Variants in ROBO2 observed in about 807,000 individuals in gnomAD.
ROBO2 encodes roundabout homolog 2.
A neutral mutation model predicts 160.8 loss-of-function variants in ROBO2; 53 were observed. That is an observed-to-expected ratio of 0.33 (90% confidence interval 0.26 to 0.41). The LOEUF (loss-of-function observed/expected upper bound fraction) is 0.41. ROBO2 is among the 10% of genes least tolerant of loss of function. The pLI, the probability that ROBO2 is intolerant of heterozygous loss-of-function variation, is 1.00. For missense variants in ROBO2, 1,577 were observed against 1,722.4 expected, an observed-to-expected ratio of 0.92 and a Z score of 1.49; for synonymous variants, 664 against 611.7, an observed-to-expected ratio of 1.09 and a Z score of -1.26.
chr3:77,323,912 G>A (rs1487822312), intron 2 of ROBO2, among the ~76,000 whole-genome samples: 1 of 152,114 alleles, frequency 6.6e-6, no homozygotes, highest in Non-Finnish European at 1.5e-5. Flanking sequence ...ATGTTTTTCT[G>A]AGTACTTTTT....
intron 2 of ROBO2, among the ~76,000 whole-genome samples, chr3:76,404,890 T>G (rs928048003): frequency 6.6e-6 from 1 of 151,636 alleles, no homozygotes; most frequent in Non-Finnish European, 1.5e-5. Context: ...GAATGGGTTA[T>G]AAAATGCAAA....
chr3:76,091,631 T>C (rs892850855), intron 2 of ROBO2, among the ~76,000 whole-genome samples: 4 of 152,218 alleles, frequency 2.6e-5, no homozygotes, highest in Non-Finnish European at 4.4e-5. Context: ...CACATGAATG[T>C]TTATGGCAGC....
At chr3:76,140,561 C>T (rs1405852788) in intron 2 of ROBO2, among the ~76,000 whole-genome samples, 1 of 151,900 alleles carries the variant, frequency 6.6e-6, no homozygotes, top group Non-Finnish European at 1.5e-5. Flanking sequence ...ACTTTATAGT[C>T]TACCTGCCAA....
chr3:77,512,414 A>G (rs144296071), intron 5 of ROBO2, among the ~76,000 whole-genome samples: 1 of 152,124 alleles, frequency 6.6e-6, no homozygotes, highest in African/African-American at 2.4e-5. Context: ...TTTATATTTC[A>G]TAGAAGCGTG....
At chr3:77,635,347 A>T (rs2095246188) in intron 24 of ROBO2, among the ~76,000 whole-genome samples, 1 of 152,122 alleles carries the variant, frequency 6.6e-6, no homozygotes. Flanking sequence ...AGGGAAGAAC[A>T]TAAGCTGCAT....
At chr3:77,326,739 T>C (rs779850821) in intron 2 of ROBO2, among the ~76,000 whole-genome samples, 15 of 152,182 alleles carry the variant, frequency 9.9e-5, no homozygotes, top group Non-Finnish European at 2.1e-4. Flanking sequence ...TTGAAGGAGA[T>C]AATCCCTCTG....
intron 2 of ROBO2, among the ~76,000 whole-genome samples, chr3:76,995,177 C>A (rs1026085581): frequency 6.7e-6 from 1 of 148,480 alleles, no homozygotes; most frequent in Non-Finnish European, 1.5e-5. Context: ...TCAATTCCCA[C>A]CTATGAGTGA....
chr3:76,276,782 A>T (rs187861580), intron 2 of ROBO2, among the ~76,000 whole-genome samples: 1 of 152,078 alleles, frequency 6.6e-6, no homozygotes, highest in Non-Finnish European at 1.5e-5. Context: ...TGGGGTGATG[A>T]TGTCCTTGTA....
intron 2 of ROBO2, among the ~76,000 whole-genome samples, chr3:76,092,207 A>G (rs568784804): frequency 6.6e-6 from 1 of 152,228 alleles, no homozygotes; most frequent in South Asian, 2.1e-4. Flanking sequence ...TGTACTTACC[A>G]CTCAATTAGG....
At chr3:77,022,552 T>C (rs2062704353) in intron 2 of ROBO2, among the ~76,000 whole-genome samples, 1 of 152,334 alleles carries the variant, frequency 6.6e-6, no homozygotes, top group Middle Eastern at 3.4e-3. Context: ...CATCCATTCT[T>C]CATCAAACTT....
intron 1 of ROBO2, among the ~76,000 whole-genome samples, chr3:75,917,970 A>C (rs1233162893): frequency 1.3e-5 from 2 of 151,922 alleles, no homozygotes; most frequent in African/African-American, 4.8e-5. Context: ...AAATTTTCTC[A>C]TATTTTGTAG....
At chr3:77,439,833 AT>A (rs2079724748) in intron 2 of ROBO2, among the ~76,000 whole-genome samples, 1 of 151,972 alleles carries the variant, frequency 6.6e-6, no homozygotes, top group Non-Finnish European at 1.5e-5. Flanking sequence ...AACATTTTAC[AT>A]TCTAACGTGT....
At chr3:76,910,592 G>A (rs1429053854) in intron 2 of ROBO2, among the ~76,000 whole-genome samples, 1 of 151,618 alleles carries the variant, frequency 6.6e-6, no homozygotes, top group Non-Finnish European at 1.5e-5. Context: ...TGGGCGTGGT[G>A]GCATGCACCT....
chr3:76,915,876 T>A (rs186766463), intron 2 of ROBO2, among the ~76,000 whole-genome samples: 1 of 152,192 alleles, frequency 6.6e-6, no homozygotes, highest in East Asian at 1.9e-4. Context: ...GCAAATCCAG[T>A]GTGTGGTGAG....
intron 2 of ROBO2, among the ~76,000 whole-genome samples, chr3:76,553,804 C>G (rs1404467714): frequency 6.6e-6 from 1 of 152,082 alleles, no homozygotes; most frequent in Non-Finnish European, 1.5e-5. Flanking sequence ...TTTGAACACA[C>G]TAAAAGTTCT....
chr3:76,201,632 T>A (rs554783589), intron 2 of ROBO2, among the ~76,000 whole-genome samples: 20 of 152,222 alleles, frequency 1.3e-4, no homozygotes, highest in African/African-American at 4.8e-4. Context: ...CCCCATCTGT[T>A]AATTTTATAT....
intron 2 of ROBO2, among the ~76,000 whole-genome samples, chr3:76,998,824 A>C: frequency 6.6e-6 from 1 of 152,310 alleles, no homozygotes; most frequent in Admixed American, 6.5e-5. Flanking sequence ...CACTGCAGAC[A>C]GGCTTGCCAA....
intron 2 of ROBO2, among the ~76,000 whole-genome samples, chr3:76,142,939 C>T (rs1459491274): frequency 6.7e-6 from 1 of 149,840 alleles, no homozygotes; most frequent in African/African-American, 2.5e-5. Context: ...TTACTATGTA[C>T]CCACAAAAAT....
intron 2 of ROBO2, among the ~76,000 whole-genome samples, chr3:76,673,926 A>G (rs539726184): frequency 2.6e-5 from 4 of 152,280 alleles, no homozygotes; most frequent in South Asian, 2.1e-4. Flanking sequence ...AATGTGATCT[A>G]TGTAATAGAA....
Sources: gnomAD v4.1 joint callset for allele counts (sites outside exome capture counted in the v4.1 genomes callset) on GRCh38, gnomAD v4.1.1 for gene constraint, MANE v1.5 for transcripts, NCBI Gene and HGNC (gene_info 2026-07-23, HGNC 2026-07-21) for gene names.